MYO15B: variants seen among roughly 807,000 people sequenced by gnomAD.
MYO15B encodes the protein myosin XVB pseudogene.
Under a neutral mutation model 119.3 loss-of-function variants are expected in MYO15B, and 207 were observed. The observed-to-expected ratio is 1.73, with a 90% CI of 1.55 to 1.95. MYO15B has a LOEUF of 1.95. Ranked by LOEUF, MYO15B falls within the 30% of genes most tolerant of loss-of-function variation. The pLI, the probability that MYO15B is intolerant of heterozygous loss-of-function variation, is 0.00. For missense variants in MYO15B, 2,264 were observed against 1,203.1 expected, an observed-to-expected ratio of 1.88 and a Z score of -13.04; for synonymous variants, 966 against 498.9, an observed-to-expected ratio of 1.94 and a Z score of -12.48.
intron 63 of MYO15B, 59 bp from the exon 64 acceptor site, chr17:75,626,348 G>T (rs1352014653): frequency 2.8e-6 from 2 of 701,970 alleles, no homozygotes; most frequent in Non-Finnish European, 5.2e-6. Context: ...GCTGTGGGCC[G>T]GGGCAGAGGC....
exon 39 of MYO15B, chr17:75,616,625 G>A (rs2058389881): frequency 1.4e-6 from 1 of 702,762 alleles, no homozygotes; most frequent in Admixed American, 2.0e-5. Flanking sequence ...GGAGACAGCG[G>A]CCAAGGGCCA....
exon 53 of MYO15B, chr17:75,622,058 A>C: frequency 1.4e-6 from 1 of 702,980 alleles, no homozygotes; most frequent in Non-Finnish European, 2.6e-6. Context: ...GATGAGATGG[A>C]TCTGCTCTAT....
chr17:75,626,011 G>C, intron 62 of MYO15B, 34 bp downstream of exon 62: 2 of 699,096 alleles, frequency 2.9e-6, no homozygotes, highest in Non-Finnish European at 2.6e-6. Flanking sequence ...ACTGGCCTAG[G>C]GACCCTTGGG....
At chr17:75,611,922 G>T (rs2058054426) in exon 25 of MYO15B, 1 of 702,984 alleles carries the variant, frequency 1.4e-6, no homozygotes, top group South Asian at 1.5e-5. Context: ...ATCACCGAGT[G>T]CCTGCCGCCT....
chr17:75,617,330 C>T (rs1009372635), intron 41 of MYO15B, 26 bp downstream of exon 41: 4 of 605,430 alleles, frequency 6.6e-6, no homozygotes, highest in Admixed American at 2.9e-5. Flanking sequence ...TCTCCTGCGC[C>T]GTGGGCTTCA....
intron 49 of MYO15B, 59 bp from the exon 50 acceptor site, chr17:75,620,972 A>G (rs747296814): frequency 2.8e-6 from 2 of 702,738 alleles, no homozygotes; most frequent in African/African-American, 3.5e-5. Context: ...GGGCTGGGGC[A>G]GGACCCCTGG....
chr17:75,590,263 A>C lies in MYO15B; in HGVS notation c.2186+20A>C. 1 of 399,024 alleles carries C rather than the reference A, an allele frequency of 2.5e-6. No individual in the cohort carries two copies. The highest frequency in any genetic ancestry group is 4.4e-5 in the Admixed American group (1 of 22,732). The allele number at this position is 399,024 out of a possible 1,614,324, so 24.7% of individuals were successfully genotyped here. ...GTTGCGGTTAGCGGGCGCGGTGCCAAAGCTGCCATCCCCGGCTCACAGCTC... is the reference window on the plus strand; with the variant it reads ...GTTGCGGTTAGCGGGCGCGGTGCCACAGCTGCCATCCCCGGCTCACAGCTC... On this transcript the variant is annotated intron_variant, in intron 1 of 63. Transcript: ENST00000645453.
At chr17:75,611,899 C>G (rs2058053420) in exon 25 of MYO15B, 5 of 702,928 alleles carry the variant, frequency 7.1e-6, no homozygotes, top group Non-Finnish European at 1.3e-5. Flanking sequence ...ATCGGGACGC[C>G]CTGGCTGGGA....
At chr17:75,617,787 C>G in intron 41 of MYO15B, 23 bp from the exon 42 acceptor site, 1 of 694,898 alleles carries the variant, frequency 1.4e-6, no homozygotes. Flanking sequence ...CACTGAGGCT[C>G]CTCACCCCCT....
chr17:75,603,381 CCTT>C, intron 19 of MYO15B, 69 bp downstream of exon 19: 5 of 684,892 alleles, frequency 7.3e-6, no homozygotes, highest in Non-Finnish European at 1.1e-5. Context: ...CCCCGGGGGT[CCTT>C]CTGATTGGAG....
chr17:75,625,570 G>A (rs769076428), exon 61 of MYO15B: 1 of 703,082 alleles, frequency 1.4e-6, no homozygotes, highest in South Asian at 1.5e-5. Context: ...GCAACGGCAG[G>A]TGAACACGGC....
At chr17:75,620,020 G>A (rs2058610454) in exon 47 of MYO15B, 3 of 699,538 alleles carry the variant, frequency 4.3e-6, no homozygotes, top group Non-Finnish European at 5.2e-6. Context: ...AGCTTAAGAA[G>A]GTAAGTGTGG....
exon 59 of MYO15B, chr17:75,624,894 A>T (rs1271689757): frequency 1.0e-5 from 7 of 702,944 alleles, no homozygotes; most frequent in Non-Finnish European, 1.8e-5. Flanking sequence ...AACTCCACCT[A>T]CATCAGCACC....
At chr17:75,624,833 G>C (rs1416230891) in exon 59 of MYO15B, 11 of 702,916 alleles carry the variant, frequency 1.6e-5, no homozygotes, top group Non-Finnish European at 2.6e-5. Flanking sequence ...GGACCAGGAC[G>C]TGAGCCTGCA....
At chr17:75,626,522 C>T (rs1277358170) in exon 64 of MYO15B, 1 of 702,676 alleles carries the variant, frequency 1.4e-6, no homozygotes, top group Non-Finnish European at 2.6e-6. Flanking sequence ...GATGAGGCCT[C>T]CCCCGGCCCA....
chr17:75,593,084 G>A, intron 9 of MYO15B: 1 of 445,066 alleles, frequency 2.2e-6, no homozygotes, highest in Non-Finnish European at 4.0e-6. Flanking sequence ...CTATGGTCAG[G>A]CATGGTGGGT....
intron 37 of MYO15B, 78 bp downstream of exon 37, chr17:75,616,225 G>A: frequency 1.7e-6 from 1 of 587,814 alleles, no homozygotes; most frequent in Non-Finnish European, 3.0e-6. Context: ...GGTGGGGTGT[G>A]CTCTGCTCCC....
At position 75,616,380 on chromosome 17, in the gene MYO15B, C is replaced by CAGG. The variant is rs368250560; in HGVS notation, c.6211_6213dup (p.Glu2071dup). ...GGTCCACATCCCCCAGGGGGAAGCG[C>CAGG]AGGAGGAGGAGGAGGAGGAGGAGGA... On this transcript the variant is annotated inframe_insertion, in exon 38 of 64. Coordinates refer to ENST00000645453, the Ensembl canonical transcript of MYO15B. 2,294 of 610,044 alleles carry CAGG rather than the reference C, an allele frequency of 3.8e-3. 3 individuals carry two copies. The highest frequency in any genetic ancestry group is 0.012 in the East Asian group (436 of 36,286). The allele number at this position is 610,044 out of a possible 1,614,324, so 37.8% of individuals were successfully genotyped here. A position where few individuals can be genotyped will look rare whatever the true frequency, so the allele number is the denominator to read the frequency against.
At chr17:75,596,334 C>T (rs934044649) in intron 12 of MYO15B, 126 bp from the exon 13 acceptor site, 2 of 625,720 alleles carry the variant, frequency 3.2e-6, no homozygotes, top group African/African-American at 3.6e-5. Flanking sequence ...AGACTTGACC[C>T]TGTTGGCTAC....
Sources: gnomAD v4.1 joint callset for allele counts on GRCh38, gnomAD v4.1.1 for gene constraint, MANE v1.5 for transcripts, NCBI Gene and HGNC (gene_info 2026-07-23, HGNC 2026-07-21) for gene names.